Variants in RILPL1 observed in about 807,000 individuals in gnomAD.
RILPL1 encodes RILP-like protein 1.
RILPL1 carries 33 observed loss-of-function variants against 50.3 expected under a neutral mutation model. The observed-to-expected ratio is 0.66, with a 90% CI of 0.50 to 0.88. The LOEUF (loss-of-function observed/expected upper bound fraction) is 0.88, where lower values mean the gene tolerates loss of function less well. Among genes scored for constraint, RILPL1 ranks in the 40% least tolerant of loss-of-function variants. RILPL1 has a pLI of 0.00. For synonymous variants in RILPL1, 205 were observed against 228.6 expected, an observed-to-expected ratio of 0.90 and a Z score of 0.93; for missense variants, 418 against 542.5, an observed-to-expected ratio of 0.77 and a Z score of 2.28.
At chr12:123,476,671 T>G (rs903732951) in intron 6 of RILPL1, among the ~76,000 whole-genome samples, 1 of 152,072 alleles carries the variant, frequency 6.6e-6, no homozygotes. Context: ...GAGAGAGGTG[T>G]GGGGCAGATT....
At position 123,533,140 on chromosome 12, in the gene RILPL1, C is replaced by A; in HGVS notation, c.309+34G>T. The A allele has an allele frequency of 6.7e-7, 1 of 1,498,990 alleles. No individual in the cohort carries two copies. The highest frequency in any genetic ancestry group is 8.9e-7 in the Non-Finnish European group (1 of 1,124,058). 92.9% of individuals were successfully genotyped at this position (1,498,990 alleles called of 1,614,324 possible). ...GAGCCCTTGGGTCCCCGCGGTCCCACTGCCCGGACGGACAGACCGAGGCCG... is the reference window on the plus strand; with the variant it reads ...GAGCCCTTGGGTCCCCGCGGTCCCAATGCCCGGACGGACAGACCGAGGCCG... On this transcript the variant is annotated intron_variant, in intron 1 of 6. Transcript: ENST00000376874. The surrounding 1 kb of genome is among the most constrained non-coding windows in gnomAD (Gnocchi z 6.2).
At chr12:123,520,974 T>C (rs1268769233) in intron 2 of RILPL1, among the ~76,000 whole-genome samples, 1 of 152,160 alleles carries the variant, frequency 6.6e-6, no homozygotes, top group Non-Finnish European at 1.5e-5. Context: ...ACAGAAGCCT[T>C]CCTTCAGGGA....
intron 6 of RILPL1, among the ~76,000 whole-genome samples, chr12:123,478,184 C>T (rs993215535): frequency 2.0e-5 from 3 of 151,338 alleles, no homozygotes; most frequent in Admixed American, 1.3e-4. Context: ...TTTTTTTCCT[C>T]GAGATAGGGT....
rs545348546 is a variant in RILPL1, at chr12:123,485,215, T to C, written c.974+418A>G. The C allele has an allele frequency of 8.1e-5, 37 of 457,716 alleles. No homozygotes were observed. Among genetic ancestry groups the C allele is most frequent in the Non-Finnish European group, 1.6e-4 (37 of 228,170 alleles). The allele number at this position is 457,716 out of a possible 1,614,324, so 28.4% of individuals were successfully genotyped here. A position where few individuals can be genotyped will look rare whatever the true frequency, so the allele number is the denominator to read the frequency against. On this transcript the variant is annotated intron_variant, in intron 5 of 6. Coordinates refer to ENST00000376874, the MANE Select transcript of RILPL1 (RefSeq NM_178314.5). This position sits in a 1 kb window ranked among gnomAD's most constrained non-coding sequence, Gnocchi z 4.0. ...TGGTCTCATGTTGCTTGTGGTCTCA[T>C]GTGGAAACCTACAATAAAGCAAGCA...
intron 4 of RILPL1, among the ~76,000 whole-genome samples, chr12:123,496,748 G>A (rs1883057830): frequency 6.6e-6 from 1 of 152,212 alleles, no homozygotes; most frequent in African/African-American, 2.4e-5. Context: ...ACAGTCTGGG[G>A]GCACATTTAA....
Position 123,472,682 on chromosome 12 carries a change from C to G in RILPL1, c.1068G>C (p.Leu356=), listed in dbSNP as rs777294556. The G allele has an allele frequency of 4.4e-6, 7 of 1,595,000 alleles. No individual in the cohort carries two copies. Among genetic ancestry groups the G allele is most frequent in the African/African-American group, 1.3e-5 (1 of 74,616 alleles). ...TCTTATCTCGGGAGAAGAAGCTAAACCTTTGGAAGGGAAAGCAAACACAGA... is the reference window on the plus strand; with the variant it reads ...TCTTATCTCGGGAGAAGAAGCTAAAGCTTTGGAAGGGAAAGCAAACACAGA... ...SPQPESGIKR[L]FSFFSRDKKR... is the part of the protein sequence containing the mutation. The change falls in exon 7 of 7, where the codon CTG becomes CTC. Residue 356 remains leucine, a splice_region_variant and synonymous_variant. Coordinates refer to ENST00000376874, the MANE Select transcript of RILPL1 (RefSeq NM_178314.5).
At chr12:123,482,919 C>T (rs1028183957) in intron 6 of RILPL1, among the ~76,000 whole-genome samples, 2 of 152,156 alleles carry the variant, frequency 1.3e-5, no homozygotes, top group Non-Finnish European at 2.9e-5. Context: ...GCACCATTTT[C>T]TAAGAGGAGA....
chr12:123,533,021 A>G lies in RILPL1; in HGVS notation c.309+153T>C, dbSNP rs28662057. 0.56 allele frequency among the ~76,000 whole-genome samples: 84,115 copies of G among 151,518 alleles called. 25,344 individuals are homozygous for G. The highest frequency in any genetic ancestry group is 0.89 in the East Asian group (4,552 of 5,140). ...CCAGCCACCCCTGGTCGGGCAAAAG[A>G]AGGCCAGGGCCTCCCTCCCTCCCCA... is the stretch of plus-strand genomic sequence containing the variant. On this transcript the variant is annotated intron_variant, in intron 1 of 6. Coordinates refer to ENST00000376874, the MANE Select transcript of RILPL1 (RefSeq NM_178314.5). This position sits in a 1 kb window ranked among gnomAD's most constrained non-coding sequence, Gnocchi z 6.2.
At chr12:123,513,333 T>C in intron 2 of RILPL1, 1 of 391,358 alleles carries the variant, frequency 2.6e-6, no homozygotes, top group Non-Finnish European at 5.3e-6. Context: ...ACATGCCCTG[T>C]CCTGGGGCGC....
intron 2 of RILPL1, among the ~76,000 whole-genome samples, chr12:123,512,605 ATGTG>A (rs939185400): frequency 1.5e-5 from 1 of 66,750 alleles, no homozygotes; most frequent in African/African-American, 5.9e-5. Flanking sequence ...TGAGATCTGT[ATGTG>A]TGAGGTCTGT....
At chr12:123,474,449 T>A (rs1001491787) in intron 6 of RILPL1, 4 of 152,290 alleles carry the variant, frequency 2.6e-5, no homozygotes, top group African/African-American at 9.6e-5. Flanking sequence ...CCTCCCAGGT[T>A]CAAGCGATTC....
chr12:123,493,369 C>G (rs1035767395), intron 4 of RILPL1, among the ~76,000 whole-genome samples: 1 of 152,190 alleles, frequency 6.6e-6, no homozygotes, highest in African/African-American at 2.4e-5. Flanking sequence ...TGACACATCC[C>G]CCTCTCGGAG....
At position 123,484,162 on chromosome 12, in the gene RILPL1, T is replaced by C. The variant is rs373480144; in HGVS notation, c.1067+18A>G. The C allele has an allele frequency of 2.0e-5, 32 of 1,568,876 alleles. No individual in the cohort carries two copies. The African/African-American group carries it at 3.7e-4, about 18-fold the overall frequency. ...CGCCAGGTCAGCCGAGCGCAGAAGC[T>C]GGCAGCGCATCACTTACAGTCGCTT... is the stretch of plus-strand genomic sequence containing the variant. On this transcript the variant is annotated intron_variant, in intron 6 of 6. Coordinates refer to ENST00000376874, the MANE Select transcript of RILPL1 (RefSeq NM_178314.5).
At chr12:123,532,034 T>C (rs889144306) in intron 1 of RILPL1, among the ~76,000 whole-genome samples, 3 of 152,244 alleles carry the variant, frequency 2.0e-5, no homozygotes, top group Non-Finnish European at 4.4e-5. Flanking sequence ...CCTGTGGGTC[T>C]GCCCTCAGGT....
At chr12:123,509,563 CAAAA>C (rs367583334) in intron 2 of RILPL1, among the ~76,000 whole-genome samples, 3 of 89,446 alleles carry the variant, frequency 3.4e-5, no homozygotes, top group Non-Finnish European at 2.3e-5. Flanking sequence ...AACTCCGTCT[CAAAA>C]AAAAAAAAAA....
chr12:123,494,070 C>A (rs908856037), intron 4 of RILPL1, among the ~76,000 whole-genome samples: 1 of 152,134 alleles, frequency 6.6e-6, no homozygotes, highest in Admixed American at 6.6e-5. Flanking sequence ...CAGGTGTGGG[C>A]CACTGCGCCT....
At chr12:123,518,496 T>A in intron 2 of RILPL1, 1 of 159,066 alleles carries the variant, frequency 6.3e-6, no homozygotes, top group Non-Finnish European at 1.3e-5. Flanking sequence ...GACAGAGACC[T>A]GTCCAAAAAA....
intron 6 of RILPL1, chr12:123,475,728 T>C (rs759962166): frequency 1.5e-5 from 24 of 1,592,220 alleles, no homozygotes; most frequent in Middle Eastern, 1.7e-4. Flanking sequence ...GCTGCTACCA[T>C]AGGCATTATG....
intron 4 of RILPL1, among the ~76,000 whole-genome samples, chr12:123,493,161 C>T (rs1252742483): frequency 1.3e-5 from 2 of 152,222 alleles, no homozygotes; most frequent in Non-Finnish European, 2.9e-5. Flanking sequence ...TACGTTCCAT[C>T]TACTGAGATA....
Sources: gnomAD v4.1 joint callset for allele counts (sites outside exome capture counted in the v4.1 genomes callset) on GRCh38, gnomAD v4.1.1 for gene constraint, Gnocchi (gnomAD v3.1) non-coding constraint, MANE v1.5 for transcripts, NCBI Gene and HGNC (gene_info 2026-07-23, HGNC 2026-07-21) for gene names.